ATP6V1B1: variants seen among roughly 807,000 people sequenced by gnomAD.
ATP6V1B1 encodes the protein V-type proton ATPase subunit B, kidney isoform.
Under a neutral mutation model 62.1 loss-of-function variants are expected in ATP6V1B1, and 41 were observed. The observed-to-expected ratio is 0.66, with a 90% CI of 0.51 to 0.86. The LOEUF (loss-of-function observed/expected upper bound fraction) is 0.86, where lower values mean the gene tolerates loss of function less well. ATP6V1B1 is among the 40% of genes least tolerant of loss of function. ATP6V1B1 has a pLI of 0.00. For missense variants in ATP6V1B1, 651 were observed against 697.5 expected, an observed-to-expected ratio of 0.93 and a Z score of 0.75; for synonymous variants, 253 against 273.4, an observed-to-expected ratio of 0.93 and a Z score of 0.74.
chr2:70,951,367 C>A (rs1286940483), intron 2 of ATP6V1B1, among the ~76,000 whole-genome samples: 3 of 152,142 alleles, frequency 2.0e-5, no homozygotes, highest in African/African-American at 7.2e-5. Context: ...TGATACAATA[C>A]TTTAATCTAC....
chr2:70,941,438 T>C, intron 1 of ATP6V1B1: 1 of 985,480 alleles, frequency 1.0e-6, no homozygotes, highest in Non-Finnish European at 1.2e-6. Flanking sequence ...CCCAGCTCCC[T>C]GGGGGCTGGC....
At position 70,964,942 on chromosome 2, in the gene ATP6V1B1, C is replaced by G; in HGVS notation, c.1379-16C>G. The G allele has an allele frequency of 3.1e-6, 5 of 1,614,022 alleles. No individual in the cohort carries two copies. Among genetic ancestry groups the G allele is most frequent in the Non-Finnish European group, 4.2e-6 (5 of 1,180,034 alleles). On this transcript the variant is annotated splice_polypyrimidine_tract_variant and intron_variant, in intron 13 of 13. Transcript: ENST00000234396. The stretch of plus-strand genomic sequence containing the variant: ...CCCACACACATTCCTAACACTCCCT[C>G]CCGCTCTGTCCCTAGGCCCCTACGA...
chr2:70,952,826 T>A (rs1424093040), intron 2 of ATP6V1B1, among the ~76,000 whole-genome samples: 2 of 152,240 alleles, frequency 1.3e-5, no homozygotes, highest in African/African-American at 4.8e-5. Flanking sequence ...TAATTGTTAT[T>A]CATTTTATTT....
At chr2:70,957,250 A>AATATATATATAT (rs55638187) in intron 2 of ATP6V1B1, among the ~76,000 whole-genome samples, 1 of 144,842 alleles carries the variant, frequency 6.9e-6, no homozygotes, top group African/African-American at 2.6e-5. Context: ...CACACCTGGC[A>AATATATATATAT]ATATATATAT....
At chr2:70,938,608 AAGG>A in intron 1 of ATP6V1B1, 2 of 985,378 alleles carry the variant, frequency 2.0e-6, no homozygotes, top group African/African-American at 3.5e-5. Flanking sequence ...ATTGGCTAGA[AAGG>A]AGGAGACACT....
In ATP6V1B1 at chr2:70,965,217, GCC is replaced by G; in HGVS notation, c.*98_*99del. Reference sequence around the variant, plus strand: ...CACCCCAACCAGCGGCTTCTGCGCCGCCCTCCGCCCTCCGCTGGCTCCGAGGT... The same window carrying G: ...CACCCCAACCAGCGGCTTCTGCGCCGCTCCGCCCTCCGCTGGCTCCGAGGT... On this transcript the variant is annotated 3_prime_UTR_variant, in exon 14 of 14. Coordinates refer to ENST00000234396, the MANE Select transcript of ATP6V1B1 (RefSeq NM_001692.4). The G allele has an allele frequency of 6.6e-7, 1 of 1,518,748 alleles. No individual in the cohort carries two copies. The highest frequency in any genetic ancestry group is 1.8e-5 in the Admixed American group (1 of 55,662). 94.1% of individuals were successfully genotyped at this position (1,518,748 alleles called of 1,614,324 possible).
In ATP6V1B1 at chr2:70,950,859, C is replaced by T. The variant is rs141686395; in HGVS notation, c.174+7146C>T. On this transcript the variant is annotated intron_variant, in intron 2 of 13. Transcript: ENST00000234396. ...GTAGTAGGAACATCCATGTCACCAA[C>T]GGTTAATATATTATCTCATTTGCTC... 7.2e-4 allele frequency among the ~76,000 whole-genome samples: 108 copies of T among 149,570 alleles called. 1 individual carries two copies. The East Asian group carries it at 0.02, about 28-fold the overall frequency.
At chr2:70,957,983 G>C in intron 2 of ATP6V1B1, 63 bp from the exon 3 acceptor site, 1 of 1,475,904 alleles carries the variant, frequency 6.8e-7, no homozygotes. Flanking sequence ...GGGAGGGCCG[G>C]AGGAGGAGAA....
chr2:70,943,800 C>CT, intron 2 of ATP6V1B1, 87 bp downstream of exon 2: 1 of 1,551,584 alleles, frequency 6.4e-7, no homozygotes, highest in Admixed American at 1.7e-5. Context: ...CTAAATTACC[C>CT]TTTCCCTCCA....
chr2:70,950,167 G>C (rs1294630974), intron 2 of ATP6V1B1, among the ~76,000 whole-genome samples: 2 of 151,862 alleles, frequency 1.3e-5, no homozygotes, highest in Non-Finnish European at 2.9e-5. Context: ...TCTCCTTCTG[G>C]ACTTTTTTTC....
Position 70,962,760 on chromosome 2 carries a change from C to G in ATP6V1B1, c.786-17C>G. On this transcript the variant is annotated splice_polypyrimidine_tract_variant and intron_variant, in intron 8 of 13. Transcript: ENST00000234396. ...CCCAGGCCTCCAGGCTCTCTAAACA[C>G]CTGGCTACACCTCCAGGATCGAGCG... 1 of 1,613,188 alleles carries G rather than the reference C, an allele frequency of 6.2e-7. No individual in the cohort carries two copies. The highest frequency in any genetic ancestry group is 1.1e-5 in the South Asian group (1 of 90,932).
In ATP6V1B1 at chr2:70,963,197, AG is replaced by A. The variant is rs1553420412; in HGVS notation, c.948del (p.Pro318LeufsTer45). On this transcript the variant is annotated frameshift_variant, in exon 10 of 14. Coordinates refer to ENST00000234396, the MANE Select transcript of ATP6V1B1 (RefSeq NM_001692.4). LOFTEE classifies it high-confidence loss of function. This position sits in a 1 kb window ranked among gnomAD's most constrained non-coding sequence, Gnocchi z 4.3. ...CTAGAGAGGAGGTGCCTGGGCGCCG[AG>A]GGTTTCCTGGATATATGTACACAGA... ...AAREEVPGRR[G>X]FPGYMYTDLA... 1 of 1,613,968 alleles carries A rather than the reference AG, an allele frequency of 6.2e-7. No individual in the cohort carries two copies.
chr2:70,958,452 G>A (rs372947302), intron 4 of ATP6V1B1, 26 bp downstream of exon 4: 1 of 1,599,888 alleles, frequency 6.3e-7, no homozygotes, highest in East Asian at 2.2e-5. Context: ...GGGCAGGGGT[G>A]GGGGTGCTCC....
intron 1 of ATP6V1B1, chr2:70,940,495 G>A (rs1263406697): frequency 6.1e-6 from 6 of 985,264 alleles, no homozygotes; most frequent in African/African-American, 1.7e-5. Context: ...GCATCCCTTT[G>A]CTTGCACAAT....
chr2:70,964,714 C>T (rs1304880726), intron 12 of ATP6V1B1, 22 bp from the exon 13 acceptor site: 14 of 1,613,034 alleles, frequency 8.7e-6, no homozygotes, highest in Non-Finnish European at 1.2e-5. Flanking sequence ...CAGCGGCCAC[C>T]GACGCCTTGC....
At chr2:70,958,892 G>A (rs1207280587) in intron 4 of ATP6V1B1, 126 bp from the exon 5 acceptor site, 10 of 890,850 alleles carry the variant, frequency 1.1e-5, no homozygotes, top group East Asian at 5.3e-5. Context: ...GTGGGCTGCC[G>A]GGGAGGGGGA....
intron 1 of ATP6V1B1, among the ~76,000 whole-genome samples, chr2:70,936,511 G>A (rs892250924): frequency 7.9e-5 from 12 of 151,968 alleles, no homozygotes; most frequent in African/African-American, 2.2e-4. Context: ...GAGTGTCAGC[G>A]CTCTCAGCCT....
chr2:70,960,882 C>A lies in ATP6V1B1; in HGVS notation c.586-39C>A, dbSNP rs113451438. ...TGCTCAGTGGGACAGGGGTCAGCTC[C>A]GACTCTGACGTCCTCCTGCCCAATC... On this transcript the variant is annotated intron_variant, in intron 6 of 13. Coordinates refer to ENST00000234396, the MANE Select transcript of ATP6V1B1 (RefSeq NM_001692.4). 3 of 1,562,120 alleles carry A rather than the reference C, an allele frequency of 1.9e-6. No homozygotes were observed. The African/African-American group carries it at 4.1e-5, about 21-fold the overall frequency.
At chr2:70,961,092 G>C (rs1243605261) in intron 7 of ATP6V1B1, 70 bp downstream of exon 7, 2 of 1,477,330 alleles carry the variant, frequency 1.4e-6, no homozygotes, top group Non-Finnish European at 1.8e-6. Flanking sequence ...TCAGCCCCTG[G>C]CATGACCTGA....
Sources: gnomAD v4.1 joint callset for allele counts (sites outside exome capture counted in the v4.1 genomes callset) on GRCh38, gnomAD v4.1.1 for gene constraint, Gnocchi (gnomAD v3.1) non-coding constraint, MANE v1.5 for transcripts, NCBI Gene and HGNC (gene_info 2026-07-23, HGNC 2026-07-21) for gene names.